Variants in EDA observed in about 807,000 individuals in gnomAD.
The protein encoded by EDA is ectodysplasin A.
In EDA, 2 loss-of-function variants were observed where a neutral mutation model predicts 23.6. The ratio of observed to expected loss-of-function variants is 0.08; its 90% CI spans 0.03 to 0.27. The LOEUF is 0.27. Among genes scored for constraint, EDA ranks in the 10% least tolerant of loss-of-function variants. The pLI is 1.00. For synonymous variants in EDA, 131 were observed against 132.0 expected, an observed-to-expected ratio of 0.99 and a Z score of 0.05; for missense variants, 229 against 324.2, an observed-to-expected ratio of 0.71 and a Z score of 2.26.
intron 1 of EDA, among the ~76,000 whole-genome samples, chrX:69,619,751 G>C (rs974411613): frequency 1.8e-5 from 2 of 112,032 alleles, no homozygotes; most frequent in Non-Finnish European, 3.8e-5. Flanking sequence ...GATCGTCAGA[G>C]TAAAAAACTA....
chrX:69,951,407 A>T (rs2018924707), intron 1 of EDA, among the ~76,000 whole-genome samples: 1 of 111,148 alleles, frequency 9.0e-6, no homozygotes, highest in Non-Finnish European at 1.9e-5. Context: ...TCTTTATAAG[A>T]TACCGAATCT....
At chrX:69,798,358 C>A (rs1161099209) in intron 1 of EDA, among the ~76,000 whole-genome samples, 1 of 111,718 alleles carries the variant, frequency 9.0e-6, no homozygotes, top group Admixed American at 9.5e-5. Flanking sequence ...CACCTACAGA[C>A]TATACATTCT....
chrX:69,684,942 G>A (rs1934495288), intron 1 of EDA, among the ~76,000 whole-genome samples: 2 of 112,529 alleles, frequency 1.8e-5, no homozygotes, highest in South Asian at 7.3e-4. Context: ...TGGATAAGAA[G>A]TTGGAGCTGT....
At chrX:69,754,185 C>T (rs1169591835) in intron 1 of EDA, among the ~76,000 whole-genome samples, 1 of 112,075 alleles carries the variant, frequency 8.9e-6, no homozygotes, top group Non-Finnish European at 1.9e-5. Context: ...TACAATTTGA[C>T]ATGCTTTTGC....
At chrX:69,961,206 G>C (rs770102046) in intron 2 of EDA, among the ~76,000 whole-genome samples, 1 of 111,096 alleles carries the variant, frequency 9.0e-6, no homozygotes, top group African/African-American at 3.3e-5. Flanking sequence ...AACTGCTGAC[G>C]TTGAGTGATC....
At chrX:69,646,232 C>T (rs1385636484) in intron 1 of EDA, among the ~76,000 whole-genome samples, 1 of 111,259 alleles carries the variant, frequency 9.0e-6, no homozygotes, top group Non-Finnish European at 1.9e-5. Flanking sequence ...TAGTAAATAT[C>T]TTTGTTAATT....
intron 1 of EDA, among the ~76,000 whole-genome samples, chrX:69,872,441 A>C (rs1330213530): frequency 8.9e-6 from 1 of 112,056 alleles, no homozygotes; most frequent in Non-Finnish European, 1.9e-5. Context: ...TCCTCCACTT[A>C]AAAGATATAG....
chrX:69,942,378 G>A (rs932290865), intron 1 of EDA, among the ~76,000 whole-genome samples: 1 of 111,231 alleles, frequency 9.0e-6, no homozygotes, highest in Non-Finnish European at 1.9e-5. Context: ...GGACAGGCCT[G>A]GTGTTGAAAT....
intron 1 of EDA, among the ~76,000 whole-genome samples, chrX:69,888,784 C>G (rs1276978439): frequency 9.6e-6 from 1 of 104,085 alleles, no homozygotes; most frequent in African/African-American, 3.5e-5. Context: ...AATAACATTC[C>G]ACTGAATGTA....
chrX:69,932,662 G>A (rs968876577), intron 1 of EDA, among the ~76,000 whole-genome samples: 1 of 111,015 alleles, frequency 9.0e-6, no homozygotes, highest in Non-Finnish European at 1.9e-5. Context: ...AGTAATACAT[G>A]CACATAGTTT....
chrX:69,821,675 TAAAG>T (rs2016227819), intron 1 of EDA, among the ~76,000 whole-genome samples: 1 of 112,064 alleles, frequency 8.9e-6, no homozygotes. Context: ...TGCATAAAGA[TAAAG>T]AATACAGATG....
chrX:69,869,691 A>G (rs1006393496), intron 1 of EDA, among the ~76,000 whole-genome samples: 1 of 111,883 alleles, frequency 8.9e-6, no homozygotes, highest in Non-Finnish European at 1.9e-5. Context: ...ACCATGATTA[A>G]TTAGCCAATG....
At chrX:69,635,723 C>T (rs909390911) in intron 1 of EDA, among the ~76,000 whole-genome samples, 1 of 109,531 alleles carries the variant, frequency 9.1e-6, no homozygotes, top group East Asian at 2.9e-4. Flanking sequence ...CGCCCGCCAC[C>T]ATGCCCAGCT....
At chrX:69,909,700 A>G (rs759812371) in intron 1 of EDA, among the ~76,000 whole-genome samples, 6 of 112,757 alleles carry the variant, frequency 5.3e-5, no homozygotes, top group Admixed American at 4.7e-4. Context: ...CATTTTTAAC[A>G]GAATAAGTCA....
chrX:69,900,463 TATATATC>T (rs1420721244), intron 1 of EDA, among the ~76,000 whole-genome samples: 1 of 108,060 alleles, frequency 9.3e-6, no homozygotes, highest in African/African-American at 3.3e-5. Flanking sequence ...ATCATAAAAA[TATATATC>T]ATAAATATAT....
intron 1 of EDA, among the ~76,000 whole-genome samples, chrX:69,670,782 CTT>C (rs1933865587): frequency 9.0e-6 from 1 of 110,914 alleles, no homozygotes; most frequent in African/African-American, 3.3e-5. Context: ...ATATCTATCT[CTT>C]TGTTGAATTT....
At chrX:69,789,386 G>C (rs1261902248) in intron 1 of EDA, among the ~76,000 whole-genome samples, 1 of 112,550 alleles carries the variant, frequency 8.9e-6, no homozygotes, top group Admixed American at 9.4e-5. Context: ...AGAACCAGAA[G>C]TAGTAGCAGA....
At chrX:69,898,158 T>C (rs1215309555) in intron 1 of EDA, among the ~76,000 whole-genome samples, 3 of 112,117 alleles carry the variant, frequency 2.7e-5, no homozygotes, top group Non-Finnish European at 5.6e-5. Context: ...GGGTTGGCTA[T>C]AGGACTCGAT....
At chrX:69,730,043 T>G (rs1378338822) in intron 1 of EDA, among the ~76,000 whole-genome samples, 1 of 111,843 alleles carries the variant, frequency 8.9e-6, no homozygotes, top group Non-Finnish European at 1.9e-5. Context: ...TAAAATTTTT[T>G]TGTGGAGACA....
Sources: gnomAD v4.1 joint callset for allele counts (sites outside exome capture counted in the v4.1 genomes callset) on GRCh38, gnomAD v4.1.1 for gene constraint, MANE v1.5 for transcripts, NCBI Gene and HGNC (gene_info 2026-07-23, HGNC 2026-07-21) for gene names.